Variants in CNTN6 observed in about 807,000 individuals in gnomAD.
CNTN6 encodes the protein contactin-6.
Under a neutral mutation model 122.8 loss-of-function variants are expected in CNTN6, and 137 were observed. That is an observed-to-expected ratio of 1.12 (90% CI 0.97 to 1.29). CNTN6 has a LOEUF of 1.29. Ranked by LOEUF, CNTN6 falls within the 50% of genes most tolerant of loss-of-function variation. The pLI is 0.00. For missense variants in CNTN6, 1,634 were observed against 1,223.4 expected, an observed-to-expected ratio of 1.34 and a Z score of -5.01; for synonymous variants, 570 against 426.0, an observed-to-expected ratio of 1.34 and a Z score of -4.16.
chr3:1,395,922 G>C (rs1694930862), intron 20 of CNTN6, among the ~76,000 whole-genome samples: 1 of 152,170 alleles, frequency 6.6e-6, no homozygotes, highest in Non-Finnish European at 1.5e-5. Flanking sequence ...CTGTTAGACT[G>C]ATGAGCATGA....
At chr3:1,232,650 G>C (rs554711420) in intron 4 of CNTN6, among the ~76,000 whole-genome samples, 1 of 152,172 alleles carries the variant, frequency 6.6e-6, no homozygotes, top group Non-Finnish European at 1.5e-5. Flanking sequence ...ATCACACACC[G>C]TATGTGGGAG....
intron 1 of CNTN6, among the ~76,000 whole-genome samples, chr3:1,129,271 G>T (rs2092269733): frequency 1.3e-5 from 2 of 152,048 alleles, no homozygotes; most frequent in Non-Finnish European, 2.9e-5. Flanking sequence ...TATTTTAAGT[G>T]CAAGTTAGAG....
chr3:1,267,136 A>G (rs990546091), intron 4 of CNTN6, among the ~76,000 whole-genome samples: 1 of 151,934 alleles, frequency 6.6e-6, no homozygotes, highest in Non-Finnish European at 1.5e-5. Context: ...AGACTTAAGT[A>G]CAAGGTCAGG....
chr3:1,326,716 G>T (rs544711446), intron 9 of CNTN6, among the ~76,000 whole-genome samples: 1 of 151,866 alleles, frequency 6.6e-6, no homozygotes, highest in Non-Finnish European at 1.5e-5. Flanking sequence ...AAGAACATCT[G>T]TTGTTTGGAA....
At chr3:1,189,612 T>TTA (rs1238942765) in intron 2 of CNTN6, among the ~76,000 whole-genome samples, 1 of 152,198 alleles carries the variant, frequency 6.6e-6, no homozygotes, top group Non-Finnish European at 1.5e-5. Context: ...GAACTTTAGA[T>TTA]TATATATACC....
intron 4 of CNTN6, among the ~76,000 whole-genome samples, chr3:1,265,977 C>G (rs983482163): frequency 6.6e-6 from 1 of 151,026 alleles, no homozygotes; most frequent in Admixed American, 6.6e-5. Context: ...ACAAATAGAA[C>G]AAAACTTTAA....
intron 4 of CNTN6, among the ~76,000 whole-genome samples, chr3:1,268,549 G>T (rs1382277246): frequency 6.9e-6 from 1 of 144,018 alleles, no homozygotes; most frequent in Non-Finnish European, 1.5e-5. Flanking sequence ...GGAGCTTGCA[G>T]TGAGCCGAGA....
chr3:1,213,294 A>T (rs2094073940), intron 2 of CNTN6, among the ~76,000 whole-genome samples: 1 of 152,018 alleles, frequency 6.6e-6, no homozygotes, highest in Non-Finnish European at 1.5e-5. Flanking sequence ...GGCATAATGT[A>T]TGTTGCTTAA....
intron 7 of CNTN6, among the ~76,000 whole-genome samples, chr3:1,311,279 A>C (rs1699203767): frequency 6.9e-6 from 1 of 145,902 alleles, no homozygotes; most frequent in African/African-American, 2.5e-5. Flanking sequence ...ATATACATAC[A>C]TATTTATATA....
At chr3:1,119,322 C>CATGTGTGTGTGTGTGT (rs1553600487) in intron 1 of CNTN6, among the ~76,000 whole-genome samples, 2 of 126,490 alleles carry the variant, frequency 1.6e-5, no homozygotes, top group African/African-American at 6.1e-5. Flanking sequence ...ACAGAAAAAT[C>CATGTGTGTGTGTGTGT]GTGTGTGTGT....
intron 1 of CNTN6, among the ~76,000 whole-genome samples, chr3:1,123,716 A>G (rs941835109): frequency 1.3e-5 from 2 of 151,932 alleles, no homozygotes; most frequent in African/African-American, 4.8e-5. Context: ...AACTTCCAGT[A>G]CAGTGTTGAA....
chr3:1,097,554 G>A (rs2090597019), intron 1 of CNTN6, among the ~76,000 whole-genome samples: 1 of 152,190 alleles, frequency 6.6e-6, no homozygotes, highest in African/African-American at 2.4e-5. Context: ...CAGGAGGCAA[G>A]CTCTTGAGCT....
intron 2 of CNTN6, among the ~76,000 whole-genome samples, chr3:1,169,520 C>T (rs1198708934): frequency 6.6e-6 from 1 of 152,110 alleles, no homozygotes; most frequent in Non-Finnish European, 1.5e-5. Flanking sequence ...CAGCATAAAC[C>T]GTATTTAACG....
chr3:1,107,007 C>T (rs960004325), intron 1 of CNTN6, among the ~76,000 whole-genome samples: 4 of 152,072 alleles, frequency 2.6e-5, no homozygotes, highest in African/African-American at 9.7e-5. Flanking sequence ...TTTTCCCTTT[C>T]TCCATTTTCT....
At chr3:1,399,322 G>T (rs930937363) in intron 20 of CNTN6, among the ~76,000 whole-genome samples, 1 of 151,022 alleles carries the variant, frequency 6.6e-6, no homozygotes, top group Non-Finnish European at 1.5e-5. Flanking sequence ...AGGCACTGGA[G>T]GATAAGTTGA....
chr3:1,240,719 A>T (rs2094471710), intron 4 of CNTN6, among the ~76,000 whole-genome samples: 1 of 151,410 alleles, frequency 6.6e-6, no homozygotes, highest in South Asian at 2.1e-4. Context: ...AAAAAAAAAA[A>T]GAAAAAAAAG....
chr3:1,342,443 T>C (rs970143110), intron 11 of CNTN6, among the ~76,000 whole-genome samples: 3 of 152,186 alleles, frequency 2.0e-5, no homozygotes, highest in African/African-American at 7.2e-5. Context: ...GTTTCTTTTA[T>C]AAGCACTTGC....
intron 12 of CNTN6, among the ~76,000 whole-genome samples, chr3:1,369,364 T>G (rs930599514): frequency 2.0e-5 from 3 of 147,492 alleles, no homozygotes; most frequent in African/African-American, 7.6e-5. Flanking sequence ...ACTCCTTATC[T>G]TTTTGACTTG....
At chr3:1,303,546 C>T (rs1697797741) in intron 7 of CNTN6, among the ~76,000 whole-genome samples, 1 of 152,158 alleles carries the variant, frequency 6.6e-6, no homozygotes, top group African/African-American at 2.4e-5. Flanking sequence ...TAAATAGCAT[C>T]TAAAGCTTGC....
Sources: gnomAD v4.1 joint callset for allele counts (sites outside exome capture counted in the v4.1 genomes callset) on GRCh38, gnomAD v4.1.1 for gene constraint, MANE v1.5 for transcripts, NCBI Gene and HGNC (gene_info 2026-07-23, HGNC 2026-07-21) for gene names.